GPC5: variants seen among roughly 807,000 people sequenced by gnomAD.
The protein encoded by GPC5 is glypican 5.
A neutral mutation model predicts 53.9 loss-of-function variants in GPC5; 47 were observed. The ratio of observed to expected loss-of-function variants is 0.87; its 90% CI spans 0.69 to 1.11. The LOEUF (loss-of-function observed/expected upper bound fraction) is 1.11. GPC5 is among the 50% of genes most tolerant of loss of function. The pLI is 0.00. For missense variants in GPC5, 748 were observed against 713.1 expected (o/e 1.05, Z -0.56); for synonymous variants, 286 against 263.3 (o/e 1.09, Z -0.84).
At chr13:91,554,244 C>T (rs894053137) in intron 2 of GPC5, among the ~76,000 whole-genome samples, 1 of 151,916 alleles carries the variant, frequency 6.6e-6, no homozygotes, top group Non-Finnish European at 1.5e-5. Context: ...TGAATATACA[C>T]ATAGACACAC....
intron 7 of GPC5, among the ~76,000 whole-genome samples, chr13:92,324,262 G>T (rs2043235515): frequency 6.6e-6 from 1 of 151,956 alleles, no homozygotes; most frequent in Non-Finnish European, 1.5e-5. Flanking sequence ...AAAGCAGTAT[G>T]TGGTCATACT....
chr13:91,904,760 C>G (rs2039535615), intron 5 of GPC5, among the ~76,000 whole-genome samples: 1 of 152,000 alleles, frequency 6.6e-6, no homozygotes, highest in Non-Finnish European at 1.5e-5. Context: ...CCTGGAAGAG[C>G]TCTCAGCTGT....
chr13:92,515,327 T>C (rs1210392379), intron 7 of GPC5, among the ~76,000 whole-genome samples: 4 of 152,178 alleles, frequency 2.6e-5, no homozygotes, highest in East Asian at 1.9e-4. Context: ...CAGCATTTTT[T>C]TGAGAATCCA....
chr13:92,342,871 G>T (rs565574985), intron 7 of GPC5, among the ~76,000 whole-genome samples: 1 of 152,126 alleles, frequency 6.6e-6, no homozygotes, highest in Non-Finnish European at 1.5e-5. Flanking sequence ...GTTCTCTTCA[G>T]TGTATTTATT....
intron 7 of GPC5, among the ~76,000 whole-genome samples, chr13:92,202,324 C>G (rs1353457420): frequency 6.6e-6 from 1 of 152,096 alleles, no homozygotes; most frequent in African/African-American, 2.4e-5. Context: ...TTGTGTTTTT[C>G]TTAACCTTCA....
intron 2 of GPC5, among the ~76,000 whole-genome samples, chr13:91,575,962 G>A (rs996908983): frequency 1.1e-4 from 16 of 152,112 alleles, no homozygotes; most frequent in Non-Finnish European, 2.4e-4. Flanking sequence ...TATATTAGAT[G>A]TCAATAATAC....
intron 7 of GPC5, among the ~76,000 whole-genome samples, chr13:92,630,044 G>C (rs556237502): frequency 2.6e-5 from 4 of 152,240 alleles, no homozygotes; most frequent in African/African-American, 9.6e-5. Context: ...TTTGAAGAAA[G>C]GAAGACCAAA....
chr13:92,390,327 A>G (rs1251838193), intron 7 of GPC5, among the ~76,000 whole-genome samples: 1 of 152,180 alleles, frequency 6.6e-6, no homozygotes, highest in East Asian at 1.9e-4. Context: ...CCATCAGCCT[A>G]TAAAAAAGAA....
At chr13:92,399,896 G>T (rs1875480031) in intron 7 of GPC5, among the ~76,000 whole-genome samples, 1 of 152,154 alleles carries the variant, frequency 6.6e-6, no homozygotes, top group African/African-American at 2.4e-5. Context: ...TTTCCCAGGA[G>T]TATTTGACAT....
intron 5 of GPC5, among the ~76,000 whole-genome samples, chr13:91,835,683 A>T (rs2038715737): frequency 1.3e-5 from 2 of 151,648 alleles, no homozygotes; most frequent in African/African-American, 4.8e-5. Context: ...GAGTTGAACA[A>T]TGAGAACACA....
intron 5 of GPC5, among the ~76,000 whole-genome samples, chr13:91,907,503 T>TTTTATATATATATA (rs1555296011): frequency 2.3e-5 from 3 of 129,554 alleles, no homozygotes; most frequent in African/African-American, 8.9e-5. Flanking sequence ...CTCTCTCTCT[T>TTTTATATATATATA]TATATATATA....
At chr13:92,619,996 T>C (rs1326237032) in intron 7 of GPC5, among the ~76,000 whole-genome samples, 1 of 152,084 alleles carries the variant, frequency 6.6e-6, no homozygotes, top group East Asian at 1.9e-4. Context: ...CAATCACTTT[T>C]CTTTAGAAAG....
intron 3 of GPC5, among the ~76,000 whole-genome samples, chr13:91,706,380 T>A (rs1050565888): frequency 4.6e-5 from 7 of 152,126 alleles, no homozygotes; most frequent in African/African-American, 1.7e-4. Flanking sequence ...GTCAATCATC[T>A]TGTAAATCTG....
intron 2 of GPC5, among the ~76,000 whole-genome samples, chr13:91,589,517 ATC>A (rs1490985201): frequency 6.6e-6 from 1 of 152,092 alleles, no homozygotes; most frequent in Admixed American, 6.6e-5. Flanking sequence ...CATTGCAATG[ATC>A]TCTAAATGAC....
chr13:92,832,598 T>A (rs1594536383), intron 7 of GPC5, among the ~76,000 whole-genome samples: 1 of 152,154 alleles, frequency 6.6e-6, no homozygotes, highest in East Asian at 1.9e-4. Context: ...AGTTAAGAAG[T>A]CTACACATTT....
chr13:92,315,874 T>C (rs2043175989), intron 7 of GPC5, among the ~76,000 whole-genome samples: 3 of 152,194 alleles, frequency 2.0e-5, no homozygotes, highest in Non-Finnish European at 4.4e-5. Context: ...AACTCAGTCA[T>C]TCAGTGAAGA....
At chr13:92,670,432 A>G (rs945198115) in intron 7 of GPC5, among the ~76,000 whole-genome samples, 1 of 152,208 alleles carries the variant, frequency 6.6e-6, no homozygotes, top group African/African-American at 2.4e-5. Context: ...AGACAAGTGC[A>G]TGCAAAAGTA....
intron 7 of GPC5, among the ~76,000 whole-genome samples, chr13:92,736,041 A>G (rs1364570311): frequency 6.6e-6 from 1 of 152,050 alleles, no homozygotes; most frequent in Non-Finnish European, 1.5e-5. Context: ...ATAAACTAAC[A>G]AGCAAAAATA....
At chr13:91,958,797 T>A (rs1281773021) in intron 6 of GPC5, among the ~76,000 whole-genome samples, 2 of 151,732 alleles carry the variant, frequency 1.3e-5, no homozygotes, top group Non-Finnish European at 2.9e-5. Context: ...AAGGAAGAAA[T>A]TAAGGAGGAA....
Sources: allele counts gnomAD v4.1 joint callset (sites outside exome capture counted in the v4.1 genomes callset), GRCh38; gene constraint gnomAD v4.1.1; transcripts MANE v1.5; gene names NCBI Gene and HGNC (gene_info 2026-07-23, HGNC 2026-07-21).